MYCBP2: variants seen among roughly 807,000 people sequenced by gnomAD.
MYCBP2 encodes the protein E3 ubiquitin-protein ligase MYCBP2.
Under a neutral mutation model 525.3 loss-of-function variants are expected in MYCBP2, and 120 were observed. The observed-to-expected ratio is 0.23, with a 90% CI of 0.20 to 0.27. The LOEUF is 0.27. Among genes scored for constraint, MYCBP2 ranks in the 10% least tolerant of loss-of-function variants. The probability of loss-of-function intolerance (pLI) is 1.00; values close to 1 mark genes in which losing one functional copy is unlikely to be tolerated. For missense variants in MYCBP2, 4,149 were observed against 5,657.1 expected, an observed-to-expected ratio of 0.73 and a Z score of 8.55; for synonymous variants, 1,894 against 1,955.8, an observed-to-expected ratio of 0.97 and a Z score of 0.83.
intron 13 of MYCBP2, among the ~76,000 whole-genome samples, chr13:77,258,139 T>C (rs1567073503): frequency 1.3e-5 from 2 of 152,232 alleles, no homozygotes; most frequent in Non-Finnish European, 2.9e-5. Flanking sequence ...CAAACTTTTC[T>C]GGTCTAAGCA....
chr13:77,177,334 CTTTTTTTTTT>C (rs748460042), intron 35 of MYCBP2, among the ~76,000 whole-genome samples: 1 of 122,898 alleles, frequency 8.1e-6, no homozygotes, highest in South Asian at 2.6e-4. Context: ...TCTTTTCTTT[CTTTTTTTTTT>C]TTTTTTTTTT....
chr13:77,044,835 GACAA>G lies in MYCBP2; in HGVS notation c.*539_*542del. On this transcript the variant is annotated 3_prime_UTR_variant, in exon 83 of 83. Coordinates refer to ENST00000544440, the MANE Select transcript of MYCBP2 (RefSeq NM_015057.5). ...TTGTAATTTAGTAATTCTTATACAG[GACAA>G]ACATTGATATGTTTATATACAGTGT... 5.0e-6 allele frequency: 2 copies of G among 398,204 alleles called. No individual in the cohort carries two copies. Among genetic ancestry groups the G allele is most frequent in the Non-Finnish European group, 8.9e-6 (2 of 225,952 alleles). The allele number at this position is 398,204 out of a possible 1,614,324, so 24.7% of individuals were successfully genotyped here. A position where few individuals can be genotyped will look rare whatever the true frequency, so the allele number is the denominator to read the frequency against.
At chr13:77,099,283 A>C in intron 55 of MYCBP2, 3 of 428,408 alleles carry the variant, frequency 7.0e-6, no homozygotes, top group Non-Finnish European at 8.3e-6. Flanking sequence ...GTGATATCTC[A>C]ACCTCTGCCC....
chr13:77,177,434 C>T (rs754507361), intron 35 of MYCBP2, among the ~76,000 whole-genome samples: 4 of 151,036 alleles, frequency 2.6e-5, no homozygotes, highest in Non-Finnish European at 4.4e-5. Context: ...CTCAACCTCC[C>T]GGGCTCAAGT....
At chr13:77,260,399 C>A in intron 13 of MYCBP2, 29 bp downstream of exon 13, 1 of 1,500,054 alleles carries the variant, frequency 6.7e-7, no homozygotes, top group Non-Finnish European at 8.9e-7. Flanking sequence ...AACTTCTTTG[C>A]ATAAAAGTAA....
intron 55 of MYCBP2, among the ~76,000 whole-genome samples, chr13:77,113,531 G>A (rs548194803): frequency 6.6e-6 from 1 of 152,196 alleles, no homozygotes; most frequent in Non-Finnish European, 1.5e-5. Context: ...GTAATGAAGG[G>A]TGAAATAAAC....
At chr13:77,302,279 G>A (rs1462002664) in intron 1 of MYCBP2, among the ~76,000 whole-genome samples, 1 of 148,928 alleles carries the variant, frequency 6.7e-6, no homozygotes, top group Non-Finnish European at 1.5e-5. Flanking sequence ...TAAAAGCAAA[G>A]CATAAAGAGA....
Position 77,236,830 on chromosome 13 carries a change from C to T in MYCBP2, c.2630-3567G>A, listed in dbSNP as rs571350670. 5.9e-5 allele frequency among the ~76,000 whole-genome samples: 9 copies of T among 151,692 alleles called. 1 individual carries two copies. In the South Asian group the frequency reaches 1.2e-3, roughly 21 times the overall value. ...GGAGGGTCACTTGGGCCCAGTTGTT[C>T]GAGGCCAGCCTGGGCAACATAGCAA... On this transcript the variant is annotated intron_variant, in intron 17 of 82. Coordinates refer to ENST00000544440, the MANE Select transcript of MYCBP2 (RefSeq NM_015057.5).
At chr13:77,181,138 A>G (rs1430782185) in intron 33 of MYCBP2, among the ~76,000 whole-genome samples, 5 of 152,120 alleles carry the variant, frequency 3.3e-5, no homozygotes, top group African/African-American at 1.2e-4. Flanking sequence ...CGGTAGAAAA[A>G]TTTCAAGAAG....
chr13:77,261,396 AGG>A, intron 11 of MYCBP2, 21 bp from the exon 12 acceptor site: 4 of 1,557,078 alleles, frequency 2.6e-6, no homozygotes, highest in African/African-American at 1.4e-5. Context: ...AAAAAAAAAA[AGG>A]AATTATGGTA....
Position 77,090,158 on chromosome 13 carries a change from T to A in MYCBP2, c.10473A>T (p.Leu3491Phe). 1 of 1,612,730 alleles carries A rather than the reference T, an allele frequency of 6.2e-7. No individual in the cohort carries two copies. The highest frequency in any genetic ancestry group is 8.5e-7 in the Non-Finnish European group (1 of 1,179,254). Residue 3491 changes from leucine (L) to phenylalanine (F), a missense_variant, in exon 60 of 83, where the codon TTA (leucine) becomes TTT (phenylalanine). Physicochemically the swap from Leu to Phe is conservative, Grantham distance 22. Coordinates refer to ENST00000544440, the MANE Select transcript of MYCBP2 (RefSeq NM_015057.5). ...ASEYDKQHSI[L>F]PARVKAIPRR... The stretch of plus-strand genomic sequence containing the variant: ...TAGGAATAGCTTTAACTCGTGCAGG[T>A]AAAATGGAGTGTTGTTTATCATATT...
chr13:77,194,148 T>C lies in MYCBP2; in HGVS notation c.3935+5A>G. 1 of 1,593,702 alleles carries C rather than the reference T, an allele frequency of 6.3e-7. No homozygotes were observed. Among genetic ancestry groups the C allele is most frequent in the South Asian group, 1.1e-5 (1 of 88,534 alleles). On this transcript the variant is annotated splice_donor_5th_base_variant and intron_variant, in intron 27 of 82. Coordinates refer to ENST00000544440, the MANE Select transcript of MYCBP2 (RefSeq NM_015057.5). ...GTTACAATGAATAATGCACAAATTA[T>C]TTACCTAGCAGCACAGTCATAAGCC... is the stretch of plus-strand genomic sequence containing the variant.
Position 77,326,997 on chromosome 13 carries a change from G to A in MYCBP2, c.-222C>T, listed in dbSNP as rs1379147477. ...CTACTGGGGCCGCTCATCTAACCCCGCCACCCCGGGAATGTGAGGAGGAGG... is the reference window on the plus strand; with the variant it reads ...CTACTGGGGCCGCTCATCTAACCCCACCACCCCGGGAATGTGAGGAGGAGG... On this transcript the variant is annotated 5_prime_UTR_variant, in exon 1 of 83. Transcript: ENST00000544440. The surrounding 1 kb of genome is among the most constrained non-coding windows in gnomAD (Gnocchi z 4.2). 2 of 449,004 alleles carry A rather than the reference G, an allele frequency of 4.5e-6. No individual in the cohort carries two copies. The highest frequency in any genetic ancestry group is 4.1e-5 in the African/African-American group (2 of 48,676). 27.8% of individuals were successfully genotyped at this position (449,004 alleles called of 1,614,324 possible).
At chr13:77,132,664 C>G (rs1375188306) in intron 52 of MYCBP2, among the ~76,000 whole-genome samples, 1 of 150,368 alleles carries the variant, frequency 6.7e-6, no homozygotes, top group Non-Finnish European at 1.5e-5. Flanking sequence ...TCCACTCAAC[C>G]CCCCTCACAA....
Position 77,165,344 on chromosome 13 carries a change from C to T in MYCBP2, c.6388G>A (p.Asp2130Asn), listed in dbSNP as rs2058407981. The T allele has an allele frequency of 6.2e-7, 1 of 1,612,146 alleles. No individual in the cohort carries two copies. The highest frequency in any genetic ancestry group is 8.5e-7 in the Non-Finnish European group (1 of 1,179,292). ...AAACCATAGAAAGAAGCTTTGTCAT[C>T]TTTCACATAATCTGATGCAGTCTCC... The part of the protein sequence containing the change: ...SLETASDYVK[D>N]DKASFYGFKC... Residue 2130 changes from aspartate to asparagine, a missense_variant, in exon 42 of 83, where the codon GAT (aspartate) becomes AAT (asparagine). This residue lies in a region of MYCBP2 where 692 missense variants were observed against 852.7 expected (regional missense o/e 0.81). Transcript: ENST00000544440.
At chr13:77,100,724 ATGCTTTT>A (rs908158302) in intron 55 of MYCBP2, among the ~76,000 whole-genome samples, 95 of 152,228 alleles carry the variant, frequency 6.2e-4, no homozygotes, top group African/African-American at 2.2e-3. Context: ...CTAAAACATA[ATGCTTTT>A]TAGTTTCTTG....
Position 77,217,962 on chromosome 13 carries a change from G to GT in MYCBP2, c.2940-6dup. The GT allele has an allele frequency of 6.5e-7, 1 of 1,535,504 alleles. No individual in the cohort carries two copies. Among genetic ancestry groups the GT allele is most frequent in the South Asian group, 1.2e-5 (1 of 81,630 alleles). ...TGAACAAGAGTGGGACATCCCCTAG[G>GT]TTAAAAAAAAAAAAAGTAAGTCAAT... On this transcript the variant is annotated splice_region_variant and splice_polypyrimidine_tract_variant and intron_variant, in intron 20 of 82. Transcript: ENST00000544440.
intron 68 of MYCBP2, chr13:77,076,292 T>A (rs1438944013): frequency 6.6e-6 from 1 of 152,530 alleles, no homozygotes; most frequent in Non-Finnish European, 1.5e-5. Context: ...TCCATGTAGA[T>A]AAACATAAGA....
intron 74 of MYCBP2, 87 bp downstream of exon 74, chr13:77,062,509 T>G (rs1213491185): frequency 2.6e-6 from 3 of 1,168,646 alleles, no homozygotes; most frequent in African/African-American, 3.0e-5. Flanking sequence ...TGTTGATGTG[T>G]TTTTTGTTTG....
Sources: allele counts gnomAD v4.1 joint callset (sites outside exome capture counted in the v4.1 genomes callset), GRCh38; gene constraint gnomAD v4.1.1; regional missense constraint gnomAD v4.1.1; non-coding constraint Gnocchi (gnomAD v3.1); transcripts MANE v1.5; gene names NCBI Gene and HGNC (gene_info 2026-07-23, HGNC 2026-07-21).